The following RIT2 variants were observed in gnomAD, a reference collection of about 807,000 sequenced individuals.
RIT2 encodes Ras like without CAAX 2, also known as GTP-binding protein Rit2.
A neutral mutation model predicts 23.7 loss-of-function variants in RIT2; 24 were observed. The ratio of observed to expected loss-of-function variants is 1.01; its 90% CI spans 0.73 to 1.43. RIT2 has a LOEUF of 1.43. RIT2 is among the 40% of genes most tolerant of loss of function. The probability of loss-of-function intolerance (pLI) is 0.00; values close to 1 mark genes in which losing one functional copy is unlikely to be tolerated. For synonymous variants in RIT2, 107 were observed against 91.1 expected, an observed-to-expected ratio of 1.17 and a Z score of -0.99; for missense variants, 236 against 266.9, an observed-to-expected ratio of 0.88 and a Z score of 0.81.
At chr18:43,087,752 T>A (rs529460624) in intron 1 of RIT2, among the ~76,000 whole-genome samples, 1 of 152,276 alleles carries the variant, frequency 6.6e-6, no homozygotes, top group East Asian at 1.9e-4. Context: ...TATTGAACAA[T>A]ATTTCTTTTT....
At chr18:42,826,656 A>T (rs1906305915) in intron 4 of RIT2, among the ~76,000 whole-genome samples, 1 of 152,138 alleles carries the variant, frequency 6.6e-6, no homozygotes, top group Non-Finnish European at 1.5e-5. Context: ...AGATGAAAAA[A>T]ATAATTTAAG....
intron 2 of RIT2, among the ~76,000 whole-genome samples, chr18:43,023,915 T>G (rs1911652339): frequency 6.6e-6 from 1 of 152,054 alleles, no homozygotes; most frequent in Non-Finnish European, 1.5e-5. Context: ...TGTTAGCTCT[T>G]AGAGTATTTT....
intron 4 of RIT2, among the ~76,000 whole-genome samples, chr18:42,856,086 CCTT>C (rs1907174286): frequency 6.6e-6 from 1 of 152,198 alleles, no homozygotes; most frequent in South Asian, 2.1e-4. Flanking sequence ...AAACTGGAAT[CCTT>C]CTTTCCAAAG....
At chr18:42,891,162 C>A (rs1383268903) in intron 4 of RIT2, among the ~76,000 whole-genome samples, 1 of 152,118 alleles carries the variant, frequency 6.6e-6, no homozygotes, top group African/African-American at 2.4e-5. Context: ...AGTAGAGATG[C>A]AACCCTGGCC....
At chr18:43,082,818 G>T (rs930961373) in intron 1 of RIT2, among the ~76,000 whole-genome samples, 1 of 152,104 alleles carries the variant, frequency 6.6e-6, no homozygotes, top group South Asian at 2.1e-4. Flanking sequence ...TTGAAAACAG[G>T]CACAAGACAA....
chr18:43,022,716 G>C (rs1210407709), intron 2 of RIT2, among the ~76,000 whole-genome samples: 1 of 151,680 alleles, frequency 6.6e-6, no homozygotes, highest in East Asian at 1.9e-4. Flanking sequence ...TTTTTTCATT[G>C]CTATAGCCCA....
intron 1 of RIT2, among the ~76,000 whole-genome samples, chr18:43,094,489 CTT>C (rs1913504052): frequency 6.6e-6 from 1 of 151,868 alleles, no homozygotes. Context: ...TTAAAAAAGA[CTT>C]TCAAGGAAAC....
intron 4 of RIT2, among the ~76,000 whole-genome samples, chr18:42,844,313 G>A (rs1212990777): frequency 6.6e-6 from 1 of 152,206 alleles, no homozygotes; most frequent in East Asian, 1.9e-4. Flanking sequence ...CCACTGGTGA[G>A]GGCAAAGGGA....
chr18:42,811,608 T>C (rs1174943945), intron 4 of RIT2, among the ~76,000 whole-genome samples: 1 of 152,000 alleles, frequency 6.6e-6, no homozygotes, highest in Admixed American at 6.6e-5. Context: ...AATAAAATTA[T>C]AAATATCTAA....
intron 3 of RIT2, among the ~76,000 whole-genome samples, chr18:42,935,826 G>A (rs1369656812): frequency 1.3e-5 from 2 of 152,038 alleles, no homozygotes; most frequent in African/African-American, 4.8e-5. Flanking sequence ...CGGTGACAAA[G>A]TTTTCTGGAG....
chr18:42,910,936 C>T (rs1030666014), intron 4 of RIT2, among the ~76,000 whole-genome samples: 25 of 151,986 alleles, frequency 1.6e-4, no homozygotes, highest in Non-Finnish European at 2.8e-4. Context: ...CATTAAACAA[C>T]AAGATCTACT....
At chr18:43,044,786 G>A (rs890898550) in intron 1 of RIT2, among the ~76,000 whole-genome samples, 2 of 152,184 alleles carry the variant, frequency 1.3e-5, no homozygotes, top group Non-Finnish European at 1.5e-5. Flanking sequence ...AGCACCTTTT[G>A]CAATTCATCA....
At chr18:42,841,726 G>A (rs1235382964) in intron 4 of RIT2, among the ~76,000 whole-genome samples, 1 of 152,116 alleles carries the variant, frequency 6.6e-6, no homozygotes, top group Non-Finnish European at 1.5e-5. Context: ...CCTATTTGTG[G>A]ATGTTAATGT....
chr18:43,086,970 C>T (rs920800802), intron 1 of RIT2, among the ~76,000 whole-genome samples: 2 of 152,128 alleles, frequency 1.3e-5, no homozygotes, highest in African/African-American at 2.4e-5. Context: ...GTATTCATGG[C>T]TGGGCATGGT....
intron 4 of RIT2, among the ~76,000 whole-genome samples, chr18:42,757,981 C>T (rs1350059981): frequency 2.6e-5 from 4 of 151,918 alleles, no homozygotes; most frequent in African/African-American, 9.7e-5. Context: ...TTTGATACCT[C>T]TATCTGGGCT....
intron 1 of RIT2, among the ~76,000 whole-genome samples, chr18:43,050,216 G>A (rs1162426781): frequency 6.6e-6 from 1 of 151,500 alleles, no homozygotes; most frequent in African/African-American, 2.4e-5. Flanking sequence ...TGGTGTGTAA[G>A]GACAGTATCT....
intron 1 of RIT2, among the ~76,000 whole-genome samples, chr18:43,087,029 C>G (rs1475225072): frequency 6.6e-6 from 1 of 151,996 alleles, no homozygotes. Flanking sequence ...GCGGGTGAGT[C>G]ACTTGAGGCT....
chr18:42,766,255 T>C (rs1183547960), intron 4 of RIT2, among the ~76,000 whole-genome samples: 4 of 152,162 alleles, frequency 2.6e-5, no homozygotes, highest in Admixed American at 1.3e-4. Context: ...TAGAGATTTG[T>C]TGAATGGCTT....
At chr18:43,035,139 T>C (rs1450880287) in intron 1 of RIT2, among the ~76,000 whole-genome samples, 1 of 152,220 alleles carries the variant, frequency 6.6e-6, no homozygotes, top group Non-Finnish European at 1.5e-5. Flanking sequence ...ACATGTGGAA[T>C]GCGCTAGTCT....
Sources: gnomAD v4.1 joint callset for allele counts (sites outside exome capture counted in the v4.1 genomes callset) on GRCh38, gnomAD v4.1.1 for gene constraint, MANE v1.5 for transcripts, NCBI Gene and HGNC (gene_info 2026-07-23, HGNC 2026-07-21) for gene names.